SHMT2: variants seen among roughly 807,000 people sequenced by gnomAD.
SHMT2 encodes serine hydroxymethyltransferase 2.
A neutral mutation model predicts 59.6 loss-of-function variants in SHMT2; 38 were observed. That is an observed-to-expected ratio of 0.64 (90% CI 0.49 to 0.84). The LOEUF is 0.84. SHMT2 is among the 40% of genes least tolerant of loss of function. SHMT2 has a pLI of 0.00. For missense variants in SHMT2, 533 were observed against 659.5 expected (o/e 0.81, Z 2.10); for synonymous variants, 254 against 258.1 (o/e 0.98, Z 0.15).
At position 57,232,686 on chromosome 12, in the gene SHMT2, G is replaced by T; in HGVS notation, c.718-18G>T. ...CGGGCCCTCCCCAGGCTGAGGCCTT[G>T]CCTCTGTACCTGCCCAGGTGTGTGA... On this transcript the variant is annotated intron_variant, in intron 6 of 11. Transcript: ENST00000328923. 6.2e-7 allele frequency: 1 copy of T among 1,606,368 alleles called. No individual in the cohort carries two copies. Among genetic ancestry groups the T allele is most frequent in the Non-Finnish European group, 8.5e-7 (1 of 1,173,982 alleles).
At chr12:57,230,341 G>C (rs2037262370) in intron 1 of SHMT2, 2 of 1,140,594 alleles carry the variant, frequency 1.8e-6, no homozygotes, top group Non-Finnish European at 2.2e-6. Flanking sequence ...GACTGCTAAA[G>C]GTCTCCCCTC....
In SHMT2 at chr12:57,231,018, G is replaced by A. The variant is rs1373214848; in HGVS notation, c.231+18G>A. On this transcript the variant is annotated intron_variant, in intron 2 of 11. Transcript: ENST00000328923. Reference sequence around the variant, plus strand: ...CCTCAGAGGTGGGACCTGGGGAGATGGGCAGGGGTTGGGCCACCATGGGTA... The same window carrying A: ...CCTCAGAGGTGGGACCTGGGGAGATAGGCAGGGGTTGGGCCACCATGGGTA... 1 of 1,612,218 alleles carries A rather than the reference G, an allele frequency of 6.2e-7. No individual in the cohort carries two copies. Among genetic ancestry groups the A allele is most frequent in the Admixed American group, 1.7e-5 (1 of 60,026 alleles).
chr12:57,232,785 C>T lies in SHMT2; in HGVS notation c.799C>T (p.Pro267Ser). The T allele has an allele frequency of 6.2e-7, 1 of 1,613,698 alleles. No individual in the cohort carries two copies. Among genetic ancestry groups the T allele is most frequent in the Non-Finnish European group, 8.5e-7 (1 of 1,179,606 alleles). ...GLVAAKVIPS[P>S]FKHADIVTTT... Reference sequence around the variant, plus strand: ...GGTGGCTGCCAAGGTGATTCCCTCGCCTTTCAAGCACGCGGACATCGTCAC... The same window carrying T: ...GGTGGCTGCCAAGGTGATTCCCTCGTCTTTCAAGCACGCGGACATCGTCAC... Residue 267 changes from proline to serine, a missense_variant, in exon 7 of 12, where the codon CCT becomes TCT. Pro to Ser is a moderately conservative substitution (Grantham distance 74). Transcript: ENST00000328923.
intron 8 of SHMT2, 84 bp from the exon 9 acceptor site, chr12:57,233,479 G>A (rs1351329895): frequency 6.6e-7 from 1 of 1,520,518 alleles, no homozygotes; most frequent in Admixed American, 1.9e-5. Context: ...GGGTCACAGA[G>A]CTATGCTGAG....
chr12:57,232,827 A>T lies in SHMT2; in HGVS notation c.841A>T (p.Thr281Ser). 6.2e-7 allele frequency: 1 copy of T among 1,609,538 alleles called. No homozygotes were observed. The highest frequency in any genetic ancestry group is 8.5e-7 in the Non-Finnish European group (1 of 1,176,420). The part of the protein sequence containing the change: ...ADIVTTTTHK[T>S]LRGARSGLIF... ...CATCGTCACCACCACTACTCACAAG[A>T]CTCTTCGAGGGGCCAGGTCAGGCTC... The change falls in exon 7 of 12, where the codon ACT (threonine) becomes TCT (serine). Residue 281 changes from threonine to serine, a missense_variant. Coordinates refer to ENST00000328923, the MANE Select transcript of SHMT2 (RefSeq NM_005412.6).
intron 2 of SHMT2, 115 bp downstream of exon 2, chr12:57,231,115 G>T (rs2037298477): frequency 9.7e-7 from 1 of 1,031,776 alleles, no homozygotes; most frequent in South Asian, 1.5e-5. Context: ...CTTTCTTTGG[G>T]CTTTATCTTC....
chr12:57,234,133 C>CG (rs1565773862), intron 11 of SHMT2, 23 bp downstream of exon 11: 3 of 1,613,728 alleles, frequency 1.9e-6, no homozygotes, highest in Non-Finnish European at 2.5e-6. Flanking sequence ...GAAGGAGCCC[C>CG]GGGCCAGCCA....
chr12:57,232,202 A>C lies in SHMT2; in HGVS notation c.513-9A>C, dbSNP rs755325246. 4 of 1,613,766 alleles carry C rather than the reference A, an allele frequency of 2.5e-6. No homozygotes were observed. In the Admixed American group the frequency reaches 5.0e-5, roughly 20 times the overall value. On this transcript the variant is annotated splice_polypyrimidine_tract_variant and intron_variant, in intron 4 of 11. Coordinates refer to ENST00000328923, the MANE Select transcript of SHMT2 (RefSeq NM_005412.6). ...CACCCAGGCCTTCTTACTTCCTCTC[A>C]CTTCGCAGTCTCACCCACGGCTACA...
At chr12:57,232,945 C>T in intron 7 of SHMT2, 102 bp downstream of exon 7, 1 of 1,454,764 alleles carries the variant, frequency 6.9e-7, no homozygotes, top group Non-Finnish European at 9.4e-7. Flanking sequence ...CACCTGCAGC[C>T]CTTAAGACTC....
At chr12:57,232,410 C>G (rs771012653) in intron 5 of SHMT2, 43 bp from the exon 6 acceptor site, 1 of 1,613,966 alleles carries the variant, frequency 6.2e-7, no homozygotes, top group Admixed American at 1.7e-5. Context: ...GTGAGCTGCC[C>G]TGCTTCCTTC....
chr12:57,232,951 G>C lies in SHMT2; in HGVS notation c.857+108G>C, dbSNP rs1027783724. ...ATTCATTCCCACCTGCAGCCCTTAA[G>C]ACTCCTGCCCAGTCTGTGAGAGTTC... On this transcript the variant is annotated intron_variant, in intron 7 of 11. Transcript: ENST00000328923. 33 of 1,452,576 alleles carry C rather than the reference G, an allele frequency of 2.3e-5. No homozygotes were observed. The African/African-American group carries it at 4.1e-4, about 18-fold the overall frequency. 90.0% of individuals were successfully genotyped at this position (1,452,576 alleles called of 1,614,324 possible). A position where few individuals can be genotyped will look rare whatever the true frequency, so the allele number is the denominator to read the frequency against.
rs760114958 is a variant in SHMT2 at position 57,231,493 on chromosome 12, C to T, written c.244C>T (p.Arg82Ter). 7 of 1,614,124 alleles carry T rather than the reference C, an allele frequency of 4.3e-6. No homozygotes were observed. Among genetic ancestry groups the T allele is most frequent in the African/African-American group, 1.3e-5 (1 of 75,052 alleles). The change falls in exon 3 of 12, where the codon CGA becomes TGA. Residue 82 changes from arginine (R) to a stop codon, truncating the protein, a stop_gained. Transcript: ENST00000328923. LOFTEE classifies it high-confidence loss of function. The stretch of plus-strand genomic sequence containing the variant: ...CCCACCACCCCAGAACTTCTGCAGC[C>T]GAGCTGCGCTGGAGGCCCTGGGGTC... ...ELIASENFCS[R>*]AALEALGSCL...
intron 8 of SHMT2, 24 bp from the exon 9 acceptor site, chr12:57,233,539 C>G: frequency 6.2e-7 from 1 of 1,603,286 alleles, no homozygotes. Context: ...CCTAGGGTGA[C>G]AGCTGCTACT....
rs1452662974 is a variant in SHMT2, at chr12:57,233,593, C to T, written c.1054C>T (p.Leu352=). 4 of 1,614,066 alleles carry T rather than the reference C, an allele frequency of 2.5e-6. No homozygotes were observed. The Admixed American group carries it at 6.7e-5, about 27-fold the overall frequency. ...ACTPMFREYS[L]QVLKNARAMA... ...CACCCCCATGTTCCGGGAGTACTCC[C>T]TGCAGGTTCTGAAGAATGCTCGGGC... The change falls in exon 9 of 12, where the codon CTG becomes TTG. Residue 352 remains leucine (L), a synonymous_variant. Coordinates refer to ENST00000328923, the MANE Select transcript of SHMT2 (RefSeq NM_005412.6).
At chr12:57,232,112 G>A in intron 4 of SHMT2, 99 bp from the exon 5 acceptor site, 1 of 1,224,874 alleles carries the variant, frequency 8.2e-7, no homozygotes, top group Non-Finnish European at 1.2e-6. Context: ...GTGTGTCCTA[G>A]GACTGGTGTT....
At position 57,231,960 on chromosome 12, in the gene SHMT2, T is replaced by C. The variant is rs1273239042; in HGVS notation, c.512+47T>C. ...GATGGTCTTGGCGGCAGGATTGGTG[T>C]GGGAAAGGAGTTATTTATTGAATAC... On this transcript the variant is annotated intron_variant, in intron 4 of 11. Transcript: ENST00000328923. The C allele has an allele frequency of 7.1e-6, 11 of 1,555,838 alleles. No individual in the cohort carries two copies. In the East Asian group the frequency reaches 2.6e-4, roughly 37 times the overall value.
Position 57,233,809 on chromosome 12 carries a change from G to C in SHMT2, c.1184G>C (p.Arg395Pro), listed in dbSNP as rs1186686992. Reference protein sequence around the residue: ...DLRPKGLDGARAERVLELVSI... With the variant: ...DLRPKGLDGAPAERVLELVSI... ...CGGCCCAAGGGCCTGGATGGAGCTC[G>C]GGCTGAGCGGGTGCTAGAGCTTGTA... The change falls in exon 10 of 12, where the codon CGG becomes CCG. Residue 395 changes from arginine (R) to proline (P), a missense_variant. Arg to Pro is a moderately radical substitution (Grantham distance 103). Coordinates refer to ENST00000328923, the MANE Select transcript of SHMT2 (RefSeq NM_005412.6). The C allele has an allele frequency of 1.2e-6, 2 of 1,614,208 alleles. No homozygotes were observed.
Position 57,234,346 on chromosome 12 carries a change from T to C in SHMT2, c.1500T>C (p.Gly500=), listed in dbSNP as rs1327276784. The C allele has an allele frequency of 6.2e-7, 1 of 1,604,480 alleles. No homozygotes were observed. The highest frequency in any genetic ancestry group is 1.7e-5 in the Admixed American group (1 of 58,210). Residue 500 remains glycine, a synonymous_variant, in exon 12 of 12, where the codon GGT becomes GGC. Coordinates refer to ENST00000328923, the MANE Select transcript of SHMT2 (RefSeq NM_005412.6). ...TTGCCAGGGCCTTCCCCATGCCTGG[T>C]TTTGATGAGCATTGAAGGCACCTGG... ...EQFARAFPMP[G]FDEH is the part of the protein sequence containing the mutation.
In SHMT2 at chr12:57,233,607, G is replaced by A; in HGVS notation, c.1068G>A (p.Lys356=). The change falls in exon 9 of 12, where the codon AAG becomes AAA. Residue 356 remains lysine (K), a synonymous_variant. Coordinates refer to ENST00000328923, the MANE Select transcript of SHMT2 (RefSeq NM_005412.6). ...MFREYSLQVL[K]NARAMADALL... is the part of the protein sequence containing the mutation. ...GGGAGTACTCCCTGCAGGTTCTGAA[G>A]AATGCTCGGGCCATGGCAGATGCCC... The A allele has an allele frequency of 6.2e-7, 1 of 1,614,138 alleles. No individual in the cohort carries two copies. Among genetic ancestry groups the A allele is most frequent in the Non-Finnish European group, 8.5e-7 (1 of 1,179,978 alleles).
Sources: allele counts gnomAD v4.1 joint callset, GRCh38; gene constraint gnomAD v4.1.1; transcripts MANE v1.5; gene names NCBI Gene and HGNC (gene_info 2026-07-23, HGNC 2026-07-21).